KYNU: variants seen among roughly 807,000 people sequenced by gnomAD.
KYNU encodes the protein kynureninase.
KYNU carries 54 observed loss-of-function variants against 59.2 expected under a neutral mutation model. The observed-to-expected ratio is 0.91, with a 90% CI of 0.73 to 1.14. The LOEUF (loss-of-function observed/expected upper bound fraction) is 1.14. Ranked by LOEUF, KYNU falls within the 50% of genes most tolerant of loss-of-function variation. KYNU has a pLI of 0.00. For missense variants in KYNU, 567 were observed against 554.4 expected (o/e 1.02, Z -0.23); for synonymous variants, 177 against 192.0 (o/e 0.92, Z 0.65).
At chr2:142,999,708 T>C (rs1685655741) in intron 10 of KYNU, among the ~76,000 whole-genome samples, 1 of 152,168 alleles carries the variant, frequency 6.6e-6, no homozygotes, top group Non-Finnish European at 1.5e-5. Context: ...TGTAATATCA[T>C]TGATGTTGTT....
At chr2:143,015,513 T>C (rs1686222144) in intron 10 of KYNU, among the ~76,000 whole-genome samples, 1 of 152,120 alleles carries the variant, frequency 6.6e-6, no homozygotes, top group African/African-American at 2.4e-5. Flanking sequence ...ATATAATATA[T>C]TATCAGGTCA....
chr2:142,975,709 C>A (rs781683382), intron 8 of KYNU, among the ~76,000 whole-genome samples: 4 of 152,182 alleles, frequency 2.6e-5, no homozygotes, highest in Non-Finnish European at 5.9e-5. Context: ...GCTCTCCCAT[C>A]TCCCTAATTC....
intron 11 of KYNU, among the ~76,000 whole-genome samples, chr2:143,031,896 C>T (rs1030341550): frequency 1.3e-5 from 2 of 152,058 alleles, no homozygotes; most frequent in African/African-American, 4.8e-5. Flanking sequence ...AGGAAACTTA[C>T]AATCATGTCA....
At chr2:143,006,246 A>G (rs1372150156) in intron 10 of KYNU, among the ~76,000 whole-genome samples, 1 of 152,090 alleles carries the variant, frequency 6.6e-6, no homozygotes, top group African/African-American at 2.4e-5. Context: ...TCACCTGGGA[A>G]GCGCAAGGGG....
At chr2:142,932,657 TTTG>T (rs1573806085) in intron 4 of KYNU, among the ~76,000 whole-genome samples, 1 of 151,450 alleles carries the variant, frequency 6.6e-6, no homozygotes, top group African/African-American at 2.4e-5. Context: ...TATATGTTAA[TTTG>T]TTGTCCGGCT....
intron 4 of KYNU, among the ~76,000 whole-genome samples, chr2:142,952,585 T>G (rs933756111): frequency 6.6e-6 from 1 of 152,042 alleles, no homozygotes; most frequent in Non-Finnish European, 1.5e-5. Flanking sequence ...TATAGGAGCA[T>G]GCCACTACAC....
intron 2 of KYNU, among the ~76,000 whole-genome samples, chr2:142,912,703 CTTTTTT>C (rs1163302368): frequency 2.8e-5 from 2 of 71,834 alleles, no homozygotes; most frequent in African/African-American, 1.4e-4. Context: ...TTCTTTCTTC[CTTTTTT>C]TTTTTTTTTT....
chr2:142,904,110 G>T (rs1682202556), intron 2 of KYNU, among the ~76,000 whole-genome samples: 1 of 152,210 alleles, frequency 6.6e-6, no homozygotes. Context: ...GCAGCTGACT[G>T]AGTGATAAAC....
chr2:142,996,528 C>T (rs1685550904), intron 10 of KYNU, among the ~76,000 whole-genome samples: 1 of 152,054 alleles, frequency 6.6e-6, no homozygotes, highest in Admixed American at 6.6e-5. Context: ...ACTTACCATT[C>T]AGTCTGGGCA....
At chr2:142,885,597 G>A (rs1681483045) in intron 2 of KYNU, 61 bp downstream of exon 2, 2 of 1,344,730 alleles carry the variant, frequency 1.5e-6, no homozygotes, top group Admixed American at 2.0e-5. Context: ...TACTGCATGT[G>A]TTTATTATAA....
chr2:142,949,240 G>T (rs1017385064), intron 4 of KYNU, among the ~76,000 whole-genome samples: 1 of 152,182 alleles, frequency 6.6e-6, no homozygotes, highest in South Asian at 2.1e-4. Context: ...TTTTCTGGGC[G>T]CATGGTGCAA....
chr2:142,939,602 C>CAAAAAAAAAAAAAAAAA (rs71301737), intron 4 of KYNU, among the ~76,000 whole-genome samples: 84 of 65,050 alleles, frequency 1.3e-3, no homozygotes, highest in Non-Finnish European at 1.6e-3. Flanking sequence ...CTCCATCTCA[C>CAAAAAAAAAAAAAAAAA]AAAAAAAAAA....
Position 142,952,992 on chromosome 2 carries a change from G to C in KYNU, c.374-1818G>C, listed in dbSNP as rs140367083. On this transcript the variant is annotated intron_variant, in intron 4 of 13. Coordinates refer to ENST00000264170, the MANE Select transcript of KYNU (RefSeq NM_003937.3). ...AACAGGGAGTCAAGAGTAAGATCAA[G>C]TTACTTTAGATAGTGTTTGTTTTAG... Among the ~76,000 whole-genome samples the C allele has an allele frequency of 3.3e-5, 5 of 152,130 alleles. No homozygotes were observed. In the East Asian group the frequency reaches 9.7e-4, roughly 29 times the overall value.
chr2:142,988,752 G>A, intron 10 of KYNU: 1 of 886,844 alleles, frequency 1.1e-6, no homozygotes, highest in East Asian at 2.4e-5. Flanking sequence ...TTCTTTTTAA[G>A]TGATGTCAGT....
chr2:143,003,083 A>G (rs1451012225), intron 10 of KYNU, among the ~76,000 whole-genome samples: 1 of 152,172 alleles, frequency 6.6e-6, no homozygotes, highest in African/African-American at 2.4e-5. Flanking sequence ...GCACAGGGCC[A>G]TCCATGCTTG....
intron 8 of KYNU, among the ~76,000 whole-genome samples, chr2:142,968,135 C>T (rs1684605711): frequency 6.6e-6 from 1 of 152,008 alleles, no homozygotes; most frequent in South Asian, 2.1e-4. Flanking sequence ...TATAGTAGAA[C>T]CATAGAATAG....
chr2:142,985,011 T>C (rs1054104317), intron 8 of KYNU, 73 bp from the exon 9 acceptor site: 10 of 923,202 alleles, frequency 1.1e-5, no homozygotes, highest in Non-Finnish European at 1.8e-5. Context: ...TCAAATGTTT[T>C]CTTAAAAATA....
chr2:142,907,340 G>C (rs543591122), intron 2 of KYNU, among the ~76,000 whole-genome samples: 1 of 152,220 alleles, frequency 6.6e-6, no homozygotes, highest in Non-Finnish European at 1.5e-5. Context: ...GGAAACCACT[G>C]ACTAGTGTTC....
intron 8 of KYNU, among the ~76,000 whole-genome samples, chr2:142,965,885 T>C (rs993098397): frequency 6.6e-6 from 1 of 152,250 alleles, no homozygotes; most frequent in African/African-American, 2.4e-5. Flanking sequence ...ATTTTCCTCT[T>C]TCCTCTTTCA....
Sources: allele counts gnomAD v4.1 joint callset (sites outside exome capture counted in the v4.1 genomes callset), GRCh38; gene constraint gnomAD v4.1.1; transcripts MANE v1.5; gene names NCBI Gene and HGNC (gene_info 2026-07-23, HGNC 2026-07-21).